Variants in GRIN1 observed in about 807,000 individuals in gnomAD.
GRIN1 encodes glutamate receptor ionotropic, NMDA 1.
GRIN1 carries 38 observed loss-of-function variants against 103.0 expected under a neutral mutation model. That is an observed-to-expected ratio of 0.37 (90% CI 0.28 to 0.48). The LOEUF is 0.48. Ranked by LOEUF, GRIN1 falls within the 20% of genes least tolerant of loss-of-function variation. GRIN1 has a pLI of 0.98. For missense variants in GRIN1, 577 were observed against 1,288.9 expected, an observed-to-expected ratio of 0.45 and a Z score of 8.46; for synonymous variants, 544 against 532.7, an observed-to-expected ratio of 1.02 and a Z score of -0.29.
At chr9:137,151,676 G>C (rs1047744797) in intron 4 of GRIN1, among the ~76,000 whole-genome samples, 1 of 152,128 alleles carries the variant, frequency 6.6e-6, no homozygotes, top group East Asian at 1.9e-4. Flanking sequence ...TTCCTTTTTC[G>C]TTGTTTTGAG....
chr9:137,142,343 C>T (rs1378229140), intron 2 of GRIN1, among the ~76,000 whole-genome samples, 196 bp downstream of exon 2: 1 of 152,254 alleles, frequency 6.6e-6, no homozygotes. Flanking sequence ...CACATGCACA[C>T]TCATGTGCTC....
intron 8 of GRIN1, 46 bp from the exon 9 acceptor site, chr9:137,161,010 C>A (rs1250031747): frequency 6.2e-7 from 1 of 1,611,176 alleles, no homozygotes; most frequent in East Asian, 2.2e-5. Context: ...CCGCCCTGGG[C>A]AGCCTTAGGT....
chr9:137,161,508 A>T, intron 10 of GRIN1, 92 bp downstream of exon 10: 127 of 597,254 alleles, frequency 2.1e-4, no homozygotes, highest in Non-Finnish European at 3.1e-4. Flanking sequence ...GGGCTTGCAG[A>T]TGGTGGGGGG....
chr9:137,142,454 C>T (rs1056572760), intron 2 of GRIN1, among the ~76,000 whole-genome samples: 6 of 152,062 alleles, frequency 3.9e-5, no homozygotes, highest in Non-Finnish European at 8.8e-5. Context: ...GCACACATCA[C>T]ACACTCACAC....
rs1355627726 is a variant in GRIN1 at position 137,158,722 on chromosome 9, C to T, written c.1197+18C>T. 6.3e-7 allele frequency: 1 copy of T among 1,578,184 alleles called. No homozygotes were observed. Among genetic ancestry groups the T allele is most frequent in the Admixed American group, 1.7e-5 (1 of 59,976 alleles). ...GACTGAAGGTGGGGGCCCCACAGAC[C>T]TCCCTCAGTGTCCCCACCCCAGACA... is the stretch of plus-strand genomic sequence containing the variant. On this transcript the variant is annotated intron_variant, in intron 8 of 19. Transcript: ENST00000371561.
At chr9:137,162,336 AGCCGGCCAGGGGC>A (rs1172492373) in intron 12 of GRIN1, 46 bp downstream of exon 12, 1 of 1,550,870 alleles carries the variant, frequency 6.4e-7, no homozygotes, top group Admixed American at 1.8e-5. Context: ...CGGGGCGCGG[AGCCGGCCAGGGGC>A]GGGGCAGGGC....
In GRIN1 at chr9:137,162,730, C is replaced by T; in HGVS notation, c.2004C>T (p.Asn668=). 6.2e-7 allele frequency: 1 copy of T among 1,604,852 alleles called. No individual in the cohort carries two copies. The highest frequency in any genetic ancestry group is 8.5e-7 in the Non-Finnish European group (1 of 1,176,452). Residue 668 remains asparagine (N), a synonymous_variant, in exon 14 of 20, where the codon AAC becomes AAT. Coordinates refer to ENST00000371561, the MANE Select transcript of GRIN1 (RefSeq NM_007327.4). ...CGGAGGAGCGCATCACGGGCATCAA[C>T]GACCCTCGGGTGAGGCCTGGCCGGG... is the stretch of plus-strand genomic sequence containing the variant. ...DRPEERITGI[N]DPRLRNPSDK...
chr9:137,156,532 G>A, intron 4 of GRIN1, 137 bp from the exon 5 acceptor site: 1 of 1,267,722 alleles, frequency 7.9e-7, no homozygotes, highest in East Asian at 2.5e-5. Flanking sequence ...CAGCGCCTCT[G>A]CGAGGTCTGC....
chr9:137,160,103 G>A (rs1472287246), intron 8 of GRIN1, among the ~76,000 whole-genome samples: 1 of 152,232 alleles, frequency 6.6e-6, no homozygotes, highest in Non-Finnish European at 1.5e-5. Flanking sequence ...ACAGGAGGGC[G>A]AGCCCAAGCA....
chr9:137,148,042 G>T, intron 3 of GRIN1: 1 of 623,354 alleles, frequency 1.6e-6, no homozygotes, highest in Non-Finnish European at 2.7e-6. Flanking sequence ...GTAGGAGCCC[G>T]TCTGCAGACG....
rs1274562324 is a variant in GRIN1 at position 137,161,220 on chromosome 9, G to A, written c.1339+23G>A. The stretch of plus-strand genomic sequence containing the variant: ...GCCGTGAGTGCGCGGGGCAGGGCGC[G>A]GGGCGCGGGGCAGGGCGCGGGGCGT... On this transcript the variant is annotated intron_variant, in intron 9 of 19. Transcript: ENST00000371561. 4.4e-6 allele frequency: 7 copies of A among 1,604,712 alleles called. No homozygotes were observed. In the South Asian group the frequency reaches 4.4e-5, roughly 10 times the overall value.
chr9:137,162,123 G>T (rs1208982341), intron 11 of GRIN1, 35 bp downstream of exon 11: 3 of 1,531,274 alleles, frequency 2.0e-6, no homozygotes, highest in Non-Finnish European at 2.6e-6. Context: ...TGGCGGCGGG[G>T]GGAGTCCCTG....
chr9:137,161,950 G>C lies in GRIN1; in HGVS notation c.1494G>C (p.Trp498Cys). The C allele has an allele frequency of 6.4e-7, 1 of 1,566,274 alleles. No homozygotes were observed. The highest frequency in any genetic ancestry group is 8.7e-7 in the Non-Finnish European group (1 of 1,155,806). Residue 498 changes from tryptophan (W) to cysteine (C), a missense_variant, in exon 11 of 20, where the codon TGG (tryptophan) becomes TGC (cysteine). Transcript: ENST00000371561. Reference sequence around the variant, plus strand: ...TGAACAACAGCAACAAGAAGGAGTGGAATGGGATGATGGGCGAGCTGCTCA... The same window carrying C: ...TGAACAACAGCAACAAGAAGGAGTGCAATGGGATGATGGGCGAGCTGCTCA... ...ERVNNSNKKEWNGMMGELLSG... is the reference protein window; with the variant it reads ...ERVNNSNKKECNGMMGELLSG...
rs1399855513 is a variant in GRIN1, at chr9:137,160,904, G to A, written c.1198-152G>A. The A allele has an allele frequency of 5.5e-5, 52 of 938,732 alleles. No homozygotes were observed. The South Asian group carries it at 6.9e-4, about 12-fold the overall frequency. The allele number at this position is 938,732 out of a possible 1,614,324, so 58.2% of individuals were successfully genotyped here. ...CTTGGGCTCGTGAAGAAGCTCCAGA[G>A]AGGGGCAGTGGCCGGCGGCGCAGGG... On this transcript the variant is annotated intron_variant, in intron 8 of 19. Coordinates refer to ENST00000371561, the MANE Select transcript of GRIN1 (RefSeq NM_007327.4).
At chr9:137,149,921 G>A (rs1439493839) in intron 4 of GRIN1, among the ~76,000 whole-genome samples, 2 of 152,170 alleles carry the variant, frequency 1.3e-5, no homozygotes, top group Non-Finnish European at 2.9e-5. Context: ...CAGTCCCAGG[G>A]CAGACCACCA....
At chr9:137,148,246 G>A (rs1201494811) in intron 3 of GRIN1, 11 of 1,478,258 alleles carry the variant, frequency 7.4e-6, no homozygotes, top group African/African-American at 1.4e-5. Context: ...CGCCACCCAC[G>A]GCTAGGGAGC....
chr9:137,145,716 C>T lies in GRIN1; in HGVS notation c.394-10C>T. 2 of 1,611,580 alleles carry T rather than the reference C, an allele frequency of 1.2e-6. No homozygotes were observed. Among genetic ancestry groups the T allele is most frequent in the Non-Finnish European group, 1.7e-6 (2 of 1,178,726 alleles). Reference sequence around the variant, plus strand: ...TCCACCTCAGCCCGCCGTGCCCCCGCCTCCCGCAGAGCATCCACCTGAGCT... The same window carrying T: ...TCCACCTCAGCCCGCCGTGCCCCCGTCTCCCGCAGAGCATCCACCTGAGCT... On this transcript the variant is annotated splice_polypyrimidine_tract_variant and intron_variant, in intron 2 of 19. Coordinates refer to ENST00000371561, the MANE Select transcript of GRIN1 (RefSeq NM_007327.4).
intron 2 of GRIN1, among the ~76,000 whole-genome samples, chr9:137,144,372 T>A (rs751239261): frequency 2.2e-5 from 3 of 138,700 alleles, no homozygotes; most frequent in East Asian, 2.3e-4. Flanking sequence ...GTCCCCAGGT[T>A]GGCCGGGCGC....
chr9:137,161,501 C>T, intron 10 of GRIN1, 85 bp downstream of exon 10: 1 of 1,119,856 alleles, frequency 8.9e-7, no homozygotes, highest in Non-Finnish European at 1.3e-6. Context: ...GTAGGCGGGG[C>T]TTGCAGATGG....
Sources: allele counts gnomAD v4.1 joint callset (sites outside exome capture counted in the v4.1 genomes callset), GRCh38; gene constraint gnomAD v4.1.1; transcripts MANE v1.5; gene names NCBI Gene and HGNC (gene_info 2026-07-23, HGNC 2026-07-21).